Variants in DAB1 observed in about 807,000 individuals in gnomAD.
The protein encoded by DAB1 is DAB adaptor protein 1, also known as disabled homolog 1.
Under a neutral mutation model 64.6 loss-of-function variants are expected in DAB1, and 15 were observed. That is an observed-to-expected ratio of 0.23 (90% CI 0.16 to 0.36). The LOEUF (loss-of-function observed/expected upper bound fraction) is 0.36, where lower values mean the gene tolerates loss of function less well. Ranked by LOEUF, DAB1 falls within the 10% of genes least tolerant of loss-of-function variation. The pLI, the probability that DAB1 is intolerant of heterozygous loss-of-function variation, is 1.00. For synonymous variants in DAB1, 235 were observed against 251.9 expected (o/e 0.93, Z 0.64); for missense variants, 596 against 706.7 (o/e 0.84, Z 1.78).
chr1:58,012,526 A>G (rs1178046045), intron 5 of DAB1, among the ~76,000 whole-genome samples: 2 of 152,222 alleles, frequency 1.3e-5, no homozygotes, highest in African/African-American at 4.8e-5. Flanking sequence ...CCCCAAACAC[A>G]AACATATGTT....
At chr1:57,482,361 A>G (rs1225990374) in intron 7 of DAB1, among the ~76,000 whole-genome samples, 1 of 152,056 alleles carries the variant, frequency 6.6e-6, no homozygotes, top group African/African-American at 2.4e-5. Context: ...ACATCTTTCA[A>G]AATGAAGAAT....
At chr1:58,515,282 A>T (rs1312846905) in intron 2 of DAB1, among the ~76,000 whole-genome samples, 1 of 152,230 alleles carries the variant, frequency 6.6e-6, no homozygotes, top group Non-Finnish European at 1.5e-5. Context: ...CCTCACACCA[A>T]GAGAAAACTT....
chr1:57,244,465 A>G (rs1668719620), intron 2 of DAB1, among the ~76,000 whole-genome samples: 1 of 152,246 alleles, frequency 6.6e-6, no homozygotes, highest in Admixed American at 6.5e-5. Flanking sequence ...ATCACCAAAT[A>G]AACTCTATTG....
chr1:57,487,009 C>G (rs1644101080), intron 7 of DAB1, among the ~76,000 whole-genome samples: 1 of 150,618 alleles, frequency 6.6e-6, no homozygotes, highest in East Asian at 2.0e-4. Flanking sequence ...ATGTCAGGAA[C>G]AGGTTCCCAA....
intron 4 of DAB1, among the ~76,000 whole-genome samples, chr1:58,336,215 C>T (rs902522192): frequency 6.6e-6 from 1 of 152,202 alleles, no homozygotes; most frequent in Non-Finnish European, 1.5e-5. Flanking sequence ...CAGATGCAAA[C>T]ATCCAGGACA....
intron 5 of DAB1, among the ~76,000 whole-genome samples, chr1:58,023,765 T>C (rs990528721): frequency 2.0e-5 from 3 of 152,220 alleles, no homozygotes; most frequent in African/African-American, 7.2e-5. Flanking sequence ...TGTTTAACCA[T>C]ATCAAACACA....
At chr1:58,380,839 C>G (rs1047525217) in intron 3 of DAB1, among the ~76,000 whole-genome samples, 1 of 152,136 alleles carries the variant, frequency 6.6e-6, no homozygotes, top group African/African-American at 2.4e-5. Flanking sequence ...TAAGCTGGGA[C>G]GCATATATTC....
chr1:57,281,348 C>A (rs1671872182), intron 2 of DAB1, among the ~76,000 whole-genome samples: 1 of 152,128 alleles, frequency 6.6e-6, no homozygotes, highest in Non-Finnish European at 1.5e-5. Context: ...GAAAAGTAAT[C>A]TTTAACTTGA....
intron 7 of DAB1, among the ~76,000 whole-genome samples, chr1:57,646,663 C>T (rs1185029845): frequency 4.6e-5 from 7 of 152,180 alleles, no homozygotes; most frequent in South Asian, 2.1e-4. Flanking sequence ...ATGGGAGGAT[C>T]GCTTGAGCCC....
rs114018965 is a variant in DAB1 at position 57,981,281 on chromosome 1, G to C, written n.388-97119C>G. Reference sequence around the variant, plus strand: ...TAACTCACAGTCTAATACATTAAATGTTCTCAATAAATATAAGCGAAGAAG... The same window carrying C: ...TAACTCACAGTCTAATACATTAAATCTTCTCAATAAATATAAGCGAAGAAG... On this transcript the variant is annotated intron_variant and non_coding_transcript_variant, in intron 5 of 20. Coordinates refer to the DAB1 transcript ENST00000485760. 5.2e-3 allele frequency among the ~76,000 whole-genome samples: 784 copies of C among 152,082 alleles called. 6 individuals carry two copies. The highest frequency in any genetic ancestry group is 0.018 in the African/African-American group (740 of 41,494).
intron 7 of DAB1, among the ~76,000 whole-genome samples, chr1:57,474,374 G>A (rs577328565): frequency 6.6e-5 from 10 of 152,206 alleles, no homozygotes; most frequent in South Asian, 2.1e-4. Flanking sequence ...GTCCGACTCC[G>A]CTCATTCTCT....
intron 1 of DAB1, among the ~76,000 whole-genome samples, chr1:57,854,867 G>T (rs1173631566): frequency 1.3e-5 from 2 of 152,182 alleles, no homozygotes; most frequent in Non-Finnish European, 2.9e-5. Context: ...CTTCATGTGG[G>T]TTAATTCTGC....
chr1:57,109,507 T>TA (rs1342743385), intron 4 of DAB1, among the ~76,000 whole-genome samples: 1 of 152,162 alleles, frequency 6.6e-6, no homozygotes, highest in Non-Finnish European at 1.5e-5. Flanking sequence ...AGTATGAATT[T>TA]AAAAAAATAA....
Position 57,062,933 on chromosome 1 carries a change from C to T in DAB1, c.674G>A (p.Ser225Asn), listed in dbSNP as rs1450874550. 10 of 1,613,946 alleles carry T rather than the reference C, an allele frequency of 6.2e-6. No individual in the cohort carries two copies. The highest frequency in any genetic ancestry group is 6.8e-6 in the Non-Finnish European group (8 of 1,179,936). The change falls in exon 9 of 15, where the codon AGC becomes AAC. Residue 225 changes from serine to asparagine, a missense_variant. Around this residue, in one of 3 missense-constraint regions of DAB1, gnomAD observed 176 missense variants for 266.7 expected, o/e 0.66. Coordinates refer to ENST00000371236, the MANE Select transcript of DAB1 (RefSeq NM_001365792.1). ...ATCATAAACACCTTCCTTCTTTTGGCTGGTGGGAACCTATGGAAAAATTAA... is the reference window on the plus strand; with the variant it reads ...ATCATAAACACCTTCCTTCTTTTGGTTGGTGGGAACCTATGGAAAAATTAA... The part of the protein sequence containing the change: ...TEENIYQVPT[S>N]QKKEGVYDVP...
chr1:57,931,303 G>C (rs1446375603), intron 5 of DAB1, among the ~76,000 whole-genome samples: 2 of 152,080 alleles, frequency 1.3e-5, no homozygotes, highest in African/African-American at 4.8e-5. Context: ...GAGTGATATT[G>C]GTCTATAGTT....
chr1:58,513,129 G>T (rs1438332280), intron 2 of DAB1, among the ~76,000 whole-genome samples: 1 of 152,120 alleles, frequency 6.6e-6, no homozygotes, highest in Non-Finnish European at 1.5e-5. Context: ...TTGGTAGGAG[G>T]TGACTGGATC....
chr1:57,166,924 T>C (rs1252919433), intron 2 of DAB1, among the ~76,000 whole-genome samples: 1 of 152,168 alleles, frequency 6.6e-6, no homozygotes, highest in African/African-American at 2.4e-5. Flanking sequence ...CCAAAGTTCA[T>C]AGTCTCTCCA....
intron 6 of DAB1, among the ~76,000 whole-genome samples, chr1:57,810,173 T>G (rs539246669): frequency 1.3e-5 from 2 of 152,142 alleles, no homozygotes; most frequent in Admixed American, 1.3e-4. Context: ...AGGCTGGCAT[T>G]CAATTCTGCT....
intron 4 of DAB1, among the ~76,000 whole-genome samples, chr1:57,109,529 T>C (rs550157671): frequency 6.6e-6 from 1 of 152,312 alleles, no homozygotes; most frequent in Non-Finnish European, 1.5e-5. Flanking sequence ...AGAAGCAGCT[T>C]TGCAATGTGG....
Sources: allele counts gnomAD v4.1 joint callset (sites outside exome capture counted in the v4.1 genomes callset), GRCh38; gene constraint gnomAD v4.1.1; regional missense constraint gnomAD v4.1.1; transcripts MANE v1.5; gene names NCBI Gene and HGNC (gene_info 2026-07-23, HGNC 2026-07-21).